Variants in SPTBN1 observed in about 807,000 individuals in gnomAD.
SPTBN1 encodes spectrin beta, non-erythrocytic 1.
In SPTBN1, 32 loss-of-function variants were observed where a neutral mutation model predicts 266.4. The observed-to-expected ratio is 0.12, with a 90% CI of 0.09 to 0.16. SPTBN1 has a LOEUF of 0.16. Among genes scored for constraint, SPTBN1 ranks in the 10% least tolerant of loss-of-function variants. The pLI, the probability that SPTBN1 is intolerant of heterozygous loss-of-function variation, is 1.00. For synonymous variants in SPTBN1, 1,336 were observed against 1,162.2 expected (o/e 1.15, Z -3.04); for missense variants, 2,296 against 3,067.1 (o/e 0.75, Z 5.94).
intron 32 of SPTBN1, chr2:54,660,728 A>G (rs956583471): frequency 8.1e-6 from 8 of 985,258 alleles, no homozygotes; most frequent in African/African-American, 1.7e-5. Flanking sequence ...TTTTTCTGCC[A>G]AGTCCTGAAT....
At chr2:54,488,005 A>G (rs1390609804) in intron 1 of SPTBN1, among the ~76,000 whole-genome samples, 1 of 151,176 alleles carries the variant, frequency 6.6e-6, no homozygotes, top group Non-Finnish European at 1.5e-5. Flanking sequence ...AATTTTTTGT[A>G]TTTTTGGTAG....
At chr2:54,562,916 C>G (rs1344896014) in intron 2 of SPTBN1, among the ~76,000 whole-genome samples, 3 of 152,104 alleles carry the variant, frequency 2.0e-5, no homozygotes, top group African/African-American at 7.2e-5. Flanking sequence ...CATAAAGTTT[C>G]TTCTTTCTTG....
intron 2 of SPTBN1, among the ~76,000 whole-genome samples, chr2:54,575,763 G>A (rs1442831346): frequency 1.3e-5 from 2 of 152,224 alleles, no homozygotes; most frequent in Non-Finnish European, 2.9e-5. Context: ...CAGTTTCGAT[G>A]TATCGGGAAC....
At chr2:54,506,282 A>AC (rs1438400711) in intron 1 of SPTBN1, among the ~76,000 whole-genome samples, 14 of 152,180 alleles carry the variant, frequency 9.2e-5, no homozygotes, top group Admixed American at 9.2e-4. Flanking sequence ...CAGGCCATGG[A>AC]CCTGTCCCAG....
At chr2:54,534,346 T>C (rs1671469114) in intron 2 of SPTBN1, among the ~76,000 whole-genome samples, 1 of 152,228 alleles carries the variant, frequency 6.6e-6, no homozygotes, top group South Asian at 2.1e-4. Flanking sequence ...CTCTTCAGGC[T>C]GTATCCCTAA....
At chr2:54,477,274 T>C (rs534316682) in intron 1 of SPTBN1, among the ~76,000 whole-genome samples, 1 of 152,310 alleles carries the variant, frequency 6.6e-6, no homozygotes, top group East Asian at 1.9e-4. Flanking sequence ...GGCTGTAAAC[T>C]TCATGTAATA....
intron 2 of SPTBN1, among the ~76,000 whole-genome samples, chr2:54,539,323 A>T (rs1330544290): frequency 6.6e-6 from 1 of 152,174 alleles, no homozygotes; most frequent in Non-Finnish European, 1.5e-5. Context: ...AATTTTTGTG[A>T]TACCTATTAA....
intron 18 of SPTBN1, among the ~76,000 whole-genome samples, chr2:54,642,144 C>A (rs13004944): frequency 1.3e-5 from 2 of 152,142 alleles, no homozygotes; most frequent in African/African-American, 4.8e-5. Flanking sequence ...TGGCATGGCC[C>A]TTACAGGCAG....
chr2:54,640,644 C>T (rs1011370218), intron 18 of SPTBN1, among the ~76,000 whole-genome samples: 1 of 152,180 alleles, frequency 6.6e-6, no homozygotes, highest in Non-Finnish European at 1.5e-5. Context: ...CCCCACCTCC[C>T]GGGTTCAAGC....
At chr2:54,507,386 G>C (rs1472415306) in intron 1 of SPTBN1, among the ~76,000 whole-genome samples, 1 of 152,072 alleles carries the variant, frequency 6.6e-6, no homozygotes, top group Admixed American at 6.6e-5. Flanking sequence ...AGAGATAATG[G>C]GCAATGTTTC....
intron 19 of SPTBN1, 26 bp downstream of exon 19, chr2:54,643,155 A>G (rs758977944): frequency 6.2e-7 from 1 of 1,613,282 alleles, no homozygotes; most frequent in East Asian, 2.2e-5. Flanking sequence ...TGATGTGGCC[A>G]TGGTGAGAAA....
chr2:54,584,180 C>T (rs1028601246), intron 2 of SPTBN1, among the ~76,000 whole-genome samples: 6 of 152,150 alleles, frequency 3.9e-5, no homozygotes, highest in Admixed American at 2.0e-4. Flanking sequence ...ATTATATGGC[C>T]ACTTTCCGAA....
chr2:54,512,373 C>G (rs1669904686), intron 1 of SPTBN1, among the ~76,000 whole-genome samples: 3 of 152,100 alleles, frequency 2.0e-5, no homozygotes, highest in Non-Finnish European at 4.4e-5. Flanking sequence ...ACCAAGCATA[C>G]AAAGGGGAAA....
chr2:54,541,135 A>T (rs900037450), intron 2 of SPTBN1, among the ~76,000 whole-genome samples: 1 of 152,186 alleles, frequency 6.6e-6, no homozygotes. Context: ...TGACAGTTCC[A>T]TGGATTGCCA....
intron 1 of SPTBN1, among the ~76,000 whole-genome samples, chr2:54,523,955 T>G (rs1489196379): frequency 6.6e-6 from 1 of 152,086 alleles, no homozygotes; most frequent in Non-Finnish European, 1.5e-5. Context: ...ATCCCAGCAC[T>G]TTGGGAGGCC....
chr2:54,461,769 T>C (rs1200825867), intron 1 of SPTBN1, among the ~76,000 whole-genome samples: 9 of 152,274 alleles, frequency 5.9e-5, no homozygotes, highest in Non-Finnish European at 1.2e-4. Context: ...ATTTATCTTA[T>C]TAATTTGTAG....
At position 54,653,792 on chromosome 2, in the gene SPTBN1, C is replaced by T. The variant is rs1680466214; in HGVS notation, c.5761C>T (p.Arg1921Cys). ...GDKFRFFSMV[R>C]DLMLWMEDVI... is the part of the protein sequence containing the mutation. ...CAAGTTCCGCTTCTTCAGCATGGTGCGCGACCTCATGCTCTGGATGGAGGA... is the reference window on the plus strand; with the variant it reads ...CAAGTTCCGCTTCTTCAGCATGGTGTGCGACCTCATGCTCTGGATGGAGGA... Residue 1921 changes from arginine to cysteine, a missense_variant, in exon 27 of 36, where the codon CGC (arginine) becomes TGC (cysteine). Physicochemically the swap from Arg to Cys is radical, Grantham distance 180. Transcript: ENST00000356805. The surrounding 1 kb of genome is among the most constrained non-coding windows in gnomAD (Gnocchi z 5.1). The T allele has an allele frequency of 6.2e-7, 1 of 1,614,214 alleles. No individual in the cohort carries two copies. The highest frequency in any genetic ancestry group is 8.5e-7 in the Non-Finnish European group (1 of 1,180,032).
At chr2:54,633,915 TA>T (rs2103961204) in intron 17 of SPTBN1, among the ~76,000 whole-genome samples, 1 of 152,154 alleles carries the variant, frequency 6.6e-6, no homozygotes, top group East Asian at 1.9e-4. Context: ...TCTAGGGTGG[TA>T]TTGTGGAATA....
At chr2:54,493,857 A>C (rs1409546361) in intron 1 of SPTBN1, among the ~76,000 whole-genome samples, 2 of 152,208 alleles carry the variant, frequency 1.3e-5, no homozygotes, top group Admixed American at 6.5e-5. Context: ...GATACCTTAC[A>C]TTCAAATGTG....
Sources: gnomAD v4.1 joint callset for allele counts (sites outside exome capture counted in the v4.1 genomes callset) on GRCh38, gnomAD v4.1.1 for gene constraint, Gnocchi (gnomAD v3.1) non-coding constraint, MANE v1.5 for transcripts, NCBI Gene and HGNC (gene_info 2026-07-23, HGNC 2026-07-21) for gene names.